The following VN1R4 variants were observed in gnomAD, a reference collection of about 807,000 sequenced individuals.
The protein encoded by VN1R4 is vomeronasal type-1 receptor 4.
For missense variants in VN1R4, 291 were observed against 364.2 expected, an observed-to-expected ratio of 0.80 and a Z score of 1.64; for synonymous variants, 97 against 138.8, an observed-to-expected ratio of 0.70 and a Z score of 2.12.
exon 1 of VN1R4, chr19:53,267,422 G>A: frequency 6.2e-7 from 1 of 1,614,146 alleles, no homozygotes; most frequent in Admixed American, 1.7e-5. Context: ...TAGAAAACAA[G>A]TTTGCACCCA....
At position 53,267,621 on chromosome 19, in the gene VN1R4, G is replaced by T. The variant is rs142658822; in HGVS notation, c.45C>A (p.Thr15=). Residue 15 remains threonine (T), a synonymous_variant, in exon 1 of 1, where the codon ACC becomes ACA. Transcript: ENST00000311170. The stretch of plus-strand genomic sequence containing the variant: ...AGAAGCTCCCCAGGACTCCCACCAC[G>T]GTCTGTGATAAGATCATTCCCACTG... 2.5e-6 allele frequency: 4 copies of T among 1,612,326 alleles called. No homozygotes were observed. In the African/African-American group the frequency reaches 4.0e-5, roughly 16 times the overall value.
exon 1 of VN1R4, chr19:53,267,100 A>G: frequency 6.2e-7 from 1 of 1,613,242 alleles, no homozygotes; most frequent in South Asian, 1.1e-5. Context: ...CAGACACAAC[A>G]CATCAGGGAA....
chr19:53,267,674 T>G, exon 1 of VN1R4: 1 of 1,568,486 alleles, frequency 6.4e-7, no homozygotes, highest in Non-Finnish European at 8.6e-7. Flanking sequence ...ATTCTGCCAC[T>G]GATGTCTGTC....
exon 1 of VN1R4, chr19:53,267,167 A>G (rs1193725481): frequency 6.2e-7 from 1 of 1,611,948 alleles, no homozygotes; most frequent in Admixed American, 1.7e-5. Context: ...CCCCCAGAAC[A>G]GTATCCCAAA....
chr19:53,266,997 G>T (rs760507051), exon 1 of VN1R4: 1 of 1,602,270 alleles, frequency 6.2e-7, no homozygotes, highest in Non-Finnish European at 8.5e-7. Flanking sequence ...GGGAGGCTCT[G>T]GGGGAGAGAT....
chr19:53,267,312 T>C (rs1201961226), exon 1 of VN1R4: 1 of 1,614,070 alleles, frequency 6.2e-7, no homozygotes, highest in South Asian at 1.1e-5. Flanking sequence ...TCTCTTTAAG[T>C]TTTGCCCACC....
chr19:53,267,410 G>C, exon 1 of VN1R4: 1 of 1,614,088 alleles, frequency 6.2e-7, no homozygotes, highest in South Asian at 1.1e-5. Context: ...ACTCTATGGA[G>C]ATAGAAAACA....
chr19:53,267,402 T>C lies in VN1R4; in HGVS notation c.264A>G (p.Arg88=), dbSNP rs375346879. ...TGCCAATGGACACTCCCCTGCCCAC[T>C]CTATGGAGATAGAAAACAAGTTTGC... is the stretch of plus-strand genomic sequence containing the variant. Residue 88 remains arginine (R), a synonymous_variant, in exon 1 of 1, where the codon AGA becomes AGG. Coordinates refer to ENST00000311170, the Ensembl canonical transcript of VN1R4. The C allele has an allele frequency of 5.0e-6, 8 of 1,613,910 alleles. No individual in the cohort carries two copies. In the African/African-American group the frequency reaches 1.1e-4, roughly 22 times the overall value.
At position 53,266,749 on chromosome 19, in the gene VN1R4, A is replaced by G. The variant is rs1568704148; in HGVS notation, c.*11T>C. 6 of 1,591,394 alleles carry G rather than the reference A, an allele frequency of 3.8e-6. No individual in the cohort carries two copies. In the Admixed American group the frequency reaches 5.3e-5, roughly 14 times the overall value. Reference sequence around the variant, plus strand: ...CAATGTACATGTTTATGATGAGGTTAGGAGATCTTGTCATCTTTTCCAGGC... The same window carrying G: ...CAATGTACATGTTTATGATGAGGTTGGGAGATCTTGTCATCTTTTCCAGGC... On this transcript the variant is annotated 3_prime_UTR_variant, in exon 1 of 1. Transcript: ENST00000311170.
chr19:53,267,457 C>T, exon 1 of VN1R4: 1 of 1,614,142 alleles, frequency 6.2e-7, no homozygotes, highest in Non-Finnish European at 8.5e-7. Flanking sequence ...ATATCTAACC[C>T]CAAAAGCTGC....
exon 1 of VN1R4, chr19:53,266,799 G>A (rs2091350205): frequency 1.9e-6 from 3 of 1,613,818 alleles, no homozygotes; most frequent in East Asian, 2.2e-5. Flanking sequence ...ATACACTGGG[G>A]TCACAGCTCA....
chr19:53,266,844 A>G, exon 1 of VN1R4: 1 of 1,614,132 alleles, frequency 6.2e-7, no homozygotes, highest in South Asian at 1.1e-5. Context: ...GGAAACATAC[A>G]CTCATTAAGG....
chr19:53,267,230 G>T (rs376107206), exon 1 of VN1R4: 2 of 1,609,486 alleles, frequency 1.2e-6, no homozygotes, highest in Non-Finnish European at 1.7e-6. Flanking sequence ...ACATACATGG[G>T]AAAGATGATG....
exon 1 of VN1R4, chr19:53,267,679 T>A (rs1263740812): frequency 6.4e-7 from 1 of 1,563,594 alleles, no homozygotes; most frequent in Non-Finnish European, 8.6e-7. Context: ...GCCACTGATG[T>A]CTGTCACTGA....
exon 1 of VN1R4, chr19:53,266,809 A>T: frequency 6.2e-7 from 1 of 1,612,684 alleles, no homozygotes. Context: ...GTCACAGCTC[A>T]TGAGAACAAA....
Position 53,267,289 on chromosome 19 carries a change from T to C in VN1R4, c.377A>G (p.His126Arg), listed in dbSNP as rs150638306. 2.5e-4 allele frequency: 409 copies of C among 1,614,038 alleles called. No individual in the cohort carries two copies. Among genetic ancestry groups the C allele is most frequent in the Non-Finnish European group, 3.2e-4 (376 of 1,179,976 alleles). Reference sequence around the variant, plus strand: ...GCACAGGAGAACAGAAAAGCCAACATGCTTGGGGGCTTTCTCTTTAAGTTT... The same window carrying C: ...GCACAGGAGAACAGAAAAGCCAACACGCTTGGGGGCTTTCTCTTTAAGTTT... The change falls in exon 1 of 1, where the codon CAT (histidine) becomes CGT (arginine). Residue 126 changes from histidine (H) to arginine (R), a missense_variant. Transcript: ENST00000311170.
chr19:53,266,991 G>C, exon 1 of VN1R4: 6 of 1,602,084 alleles, frequency 3.7e-6, no homozygotes, highest in Non-Finnish European at 4.3e-6. Context: ...TCTCTGGGGA[G>C]GCTCTGGGGG....
At position 53,267,620 on chromosome 19, in the gene VN1R4, C is replaced by T. The variant is rs138349340; in HGVS notation, c.46G>A (p.Val16Met). 4.5e-5 allele frequency: 72 copies of T among 1,612,646 alleles called. No individual in the cohort carries two copies. Among genetic ancestry groups the T allele is most frequent in the African/African-American group, 3.1e-4 (23 of 74,876 alleles). Residue 16 changes from valine to methionine, a missense_variant, in exon 1 of 1, where the codon GTG (valine) becomes ATG (methionine). By Grantham distance (21) the Val-to-Met change is conservative. Transcript: ENST00000311170. Reference sequence around the variant, plus strand: ...GAGAAGCTCCCCAGGACTCCCACCACGGTCTGTGATAAGATCATTCCCACT... The same window carrying T: ...GAGAAGCTCCCCAGGACTCCCACCATGGTCTGTGATAAGATCATTCCCACT...
chr19:53,266,709 A>G (rs1311362805), exon 1 of VN1R4: 1 of 1,505,658 alleles, frequency 6.6e-7, no homozygotes, highest in Non-Finnish European at 8.9e-7. Flanking sequence ...CAATTGAACC[A>G]TGAGCAAATA....
Sources: allele counts gnomAD v4.1 joint callset, GRCh38; gene constraint gnomAD v4.1.1; transcripts MANE v1.5; gene names NCBI Gene and HGNC (gene_info 2026-07-23, HGNC 2026-07-21).